Variants in LGR5 observed in about 807,000 individuals in gnomAD.
LGR5 encodes leucine rich repeat containing G protein-coupled receptor 5, also known as leucine-rich repeat-containing G protein-coupled receptor 5.
A neutral mutation model predicts 76.7 loss-of-function variants in LGR5; 54 were observed. The observed-to-expected ratio is 0.70, with a 90% CI of 0.57 to 0.88. The LOEUF is 0.88. LGR5 is among the 40% of genes least tolerant of loss of function. The probability of loss-of-function intolerance (pLI) is 0.00; values close to 1 mark genes in which losing one functional copy is unlikely to be tolerated. For missense variants in LGR5, 1,078 were observed against 1,073.3 expected (o/e 1.00, Z -0.06); for synonymous variants, 406 against 421.9 (o/e 0.96, Z 0.46).
At chr12:71,460,484 G>A (rs1390227238) in intron 1 of LGR5, among the ~76,000 whole-genome samples, 1 of 152,004 alleles carries the variant, frequency 6.6e-6, no homozygotes, top group African/African-American at 2.4e-5. Context: ...CTATATGACT[G>A]GCAGGTACCA....
chr12:71,468,725 T>G (rs1872961969), intron 1 of LGR5, among the ~76,000 whole-genome samples: 1 of 150,596 alleles, frequency 6.6e-6, no homozygotes. Flanking sequence ...TTTTTTTTTT[T>G]TTTTTTTTGG....
At chr12:71,457,052 G>A (rs1283792569) in intron 1 of LGR5, among the ~76,000 whole-genome samples, 1 of 151,994 alleles carries the variant, frequency 6.6e-6, no homozygotes, top group Non-Finnish European at 1.5e-5. Flanking sequence ...AATAAAGGAG[G>A]CATTTAACTT....
intron 1 of LGR5, among the ~76,000 whole-genome samples, chr12:71,490,084 C>T (rs1051049963): frequency 6.6e-6 from 1 of 151,010 alleles, no homozygotes; most frequent in Non-Finnish European, 1.5e-5. Flanking sequence ...GAGCCATGAT[C>T]ACACCACTAT....
chr12:71,522,714 T>C (rs995156905), intron 2 of LGR5, among the ~76,000 whole-genome samples: 1 of 152,098 alleles, frequency 6.6e-6, no homozygotes, highest in Non-Finnish European at 1.5e-5. Flanking sequence ...TACAATACAG[T>C]AGCTATCCAA....
chr12:71,533,669 G>A (rs1876440466), intron 3 of LGR5, among the ~76,000 whole-genome samples: 1 of 152,136 alleles, frequency 6.6e-6, no homozygotes, highest in African/African-American at 2.4e-5. Flanking sequence ...GCCTATTAAT[G>A]TACATTAAAA....
chr12:71,536,722 T>A (rs1876607257), intron 4 of LGR5, among the ~76,000 whole-genome samples: 1 of 152,050 alleles, frequency 6.6e-6, no homozygotes, highest in Admixed American at 6.5e-5. Context: ...TGAAAGAAGA[T>A]CACAAACAGA....
intron 1 of LGR5, among the ~76,000 whole-genome samples, chr12:71,488,313 A>G (rs1057140679): frequency 5.9e-5 from 9 of 152,216 alleles, no homozygotes; most frequent in Admixed American, 3.3e-4. Flanking sequence ...GTGTGATGCC[A>G]TCTACTTAAG....
At chr12:71,473,095 G>A (rs1873169517) in intron 1 of LGR5, among the ~76,000 whole-genome samples, 1 of 152,110 alleles carries the variant, frequency 6.6e-6, no homozygotes, top group South Asian at 2.1e-4. Flanking sequence ...ATCGATTTTA[G>A]TATTTAATTA....
In LGR5 at chr12:71,571,599, A is replaced by C. The variant is rs1798127648; in HGVS notation, c.1136+20A>C. The C allele has an allele frequency of 6.4e-7, 1 of 1,569,048 alleles. No homozygotes were observed. The highest frequency in any genetic ancestry group is 8.8e-7 in the Non-Finnish European group (1 of 1,141,098). ...GAAAATGTAAGTCTAGAAGTCTCTAAGTCACCTAGCAAAAATCAAGAATCA... is the reference window on the plus strand; with the variant it reads ...GAAAATGTAAGTCTAGAAGTCTCTACGTCACCTAGCAAAAATCAAGAATCA... On this transcript the variant is annotated intron_variant, in intron 12 of 17. Transcript: ENST00000266674.
intron 1 of LGR5, among the ~76,000 whole-genome samples, chr12:71,498,676 G>A (rs898529200): frequency 1.3e-5 from 2 of 152,136 alleles, no homozygotes; most frequent in African/African-American, 4.8e-5. Flanking sequence ...GGGATTCAGG[G>A]TTTAGCATAT....
intron 4 of LGR5, among the ~76,000 whole-genome samples, chr12:71,545,904 G>A (rs1465280595): frequency 6.6e-6 from 1 of 152,130 alleles, no homozygotes; most frequent in Non-Finnish European, 1.5e-5. Flanking sequence ...GAGCAGATTG[G>A]CAAAATGTTT....
At chr12:71,479,201 T>C (rs1412622980) in intron 1 of LGR5, among the ~76,000 whole-genome samples, 1 of 152,212 alleles carries the variant, frequency 6.6e-6, no homozygotes, top group Non-Finnish European at 1.5e-5. Flanking sequence ...TAGATAAGCA[T>C]TTATAATCAT....
chr12:71,569,924 A>G (rs1465553654), intron 11 of LGR5, among the ~76,000 whole-genome samples: 1 of 152,220 alleles, frequency 6.6e-6, no homozygotes, highest in Non-Finnish European at 1.5e-5. Flanking sequence ...CCCACCAATG[A>G]TAGACTGGAT....
chr12:71,576,178 T>C (rs1878846852), intron 13 of LGR5, among the ~76,000 whole-genome samples: 1 of 152,172 alleles, frequency 6.6e-6, no homozygotes, highest in South Asian at 2.1e-4. Flanking sequence ...GCAGCAAACC[T>C]ACCATGGCAC....
At chr12:71,568,724 C>A (rs1425091124) in intron 11 of LGR5, among the ~76,000 whole-genome samples, 1 of 152,114 alleles carries the variant, frequency 6.6e-6, no homozygotes, top group South Asian at 2.1e-4. Flanking sequence ...AACCCCAGAG[C>A]CTCACCCCTA....
At chr12:71,445,680 G>A (rs902231045) in intron 1 of LGR5, among the ~76,000 whole-genome samples, 4 of 152,084 alleles carry the variant, frequency 2.6e-5, no homozygotes, top group African/African-American at 7.3e-5. Context: ...TAAGCCCAAT[G>A]GGAATGCCTG....
intron 7 of LGR5, 90 bp from the exon 8 acceptor site, chr12:71,561,691 C>A: frequency 1.6e-6 from 1 of 621,804 alleles, no homozygotes. Context: ...ACTAAAGGTT[C>A]TGATTATTGC....
intron 1 of LGR5, among the ~76,000 whole-genome samples, chr12:71,485,006 A>T (rs1045381649): frequency 6.6e-6 from 1 of 152,206 alleles, no homozygotes; most frequent in Non-Finnish European, 1.5e-5. Flanking sequence ...ATTATCCTAT[A>T]ATTTAAAAAC....
intron 13 of LGR5, among the ~76,000 whole-genome samples, chr12:71,576,089 G>C (rs1174135920): frequency 6.6e-6 from 1 of 152,118 alleles, no homozygotes; most frequent in Admixed American, 6.6e-5. Context: ...GGCCTATCAG[G>C]GTGGCAGGGG....
Sources: gnomAD v4.1 joint callset for allele counts (sites outside exome capture counted in the v4.1 genomes callset) on GRCh38, gnomAD v4.1.1 for gene constraint, MANE v1.5 for transcripts, NCBI Gene and HGNC (gene_info 2026-07-23, HGNC 2026-07-21) for gene names.